Variants in CSMD3 observed in about 807,000 individuals in gnomAD.
The protein encoded by CSMD3 is CUB and Sushi multiple domains 3, also known as CUB and sushi domain-containing protein 3.
In CSMD3, 177 loss-of-function variants were observed where a neutral mutation model predicts 435.2. The observed-to-expected ratio is 0.41, with a 90% CI of 0.36 to 0.46. The LOEUF is 0.46. Among genes scored for constraint, CSMD3 ranks in the 20% least tolerant of loss-of-function variants. The pLI is 0.34. For synonymous variants in CSMD3, 1,656 were observed against 1,520.5 expected (o/e 1.09, Z -2.07); for missense variants, 4,265 against 4,504.6 (o/e 0.95, Z 1.52).
At chr8:112,455,818 G>C (rs1376398812) in intron 32 of CSMD3, among the ~76,000 whole-genome samples, 12 of 151,582 alleles carry the variant, frequency 7.9e-5, no homozygotes, top group Non-Finnish European at 1.5e-5. Flanking sequence ...TGGGAAAACT[G>C]TCTCATGGCA....
intron 55 of CSMD3, among the ~76,000 whole-genome samples, 169 bp downstream of exon 55, chr8:112,292,368 A>C (rs1240861214): frequency 6.6e-6 from 1 of 152,178 alleles, no homozygotes; most frequent in Admixed American, 6.6e-5. Flanking sequence ...TATGTTACAA[A>C]TTTAGAAAAA....
At chr8:113,002,394 T>C (rs1004810307) in intron 6 of CSMD3, among the ~76,000 whole-genome samples, 19 of 152,036 alleles carry the variant, frequency 1.2e-4, no homozygotes, top group African/African-American at 4.6e-4. Context: ...TAAACTATGG[T>C]TTTCAAAAAA....
chr8:112,348,653 C>T (rs893131726), intron 40 of CSMD3, among the ~76,000 whole-genome samples: 1 of 152,024 alleles, frequency 6.6e-6, no homozygotes. Flanking sequence ...TCTCAGCACA[C>T]TGGTATACCG....
intron 10 of CSMD3, among the ~76,000 whole-genome samples, chr8:112,875,147 TA>T (rs1355543783): frequency 1.3e-5 from 2 of 152,146 alleles, no homozygotes; most frequent in Non-Finnish European, 2.9e-5. Context: ...TCCTTGTCTA[TA>T]AATGATTTTA....
At chr8:113,180,038 G>C (rs2092402275) in intron 3 of CSMD3, among the ~76,000 whole-genome samples, 1 of 151,884 alleles carries the variant, frequency 6.6e-6, no homozygotes, top group Non-Finnish European at 1.5e-5. Flanking sequence ...CAGTCAAATA[G>C]ATGAAGCATG....
chr8:113,193,443 C>G (rs564536214), intron 3 of CSMD3, among the ~76,000 whole-genome samples: 1 of 151,474 alleles, frequency 6.6e-6, no homozygotes, highest in East Asian at 1.9e-4. Flanking sequence ...GAGATATAAA[C>G]TAGATTGCTT....
intron 1 of CSMD3, among the ~76,000 whole-genome samples, chr8:113,322,471 G>C (rs1167221185): frequency 6.6e-6 from 1 of 152,054 alleles, no homozygotes; most frequent in Non-Finnish European, 1.5e-5. Flanking sequence ...ATGGGTATTC[G>C]TGTAGGCCTG....
At chr8:112,908,725 T>C (rs1043145722) in intron 10 of CSMD3, among the ~76,000 whole-genome samples, 2 of 151,544 alleles carry the variant, frequency 1.3e-5, no homozygotes, top group African/African-American at 4.8e-5. Context: ...CTAATATGTA[T>C]TATTAATAAA....
intron 13 of CSMD3, among the ~76,000 whole-genome samples, chr8:112,742,357 T>G (rs1410097875): frequency 4.6e-5 from 7 of 151,918 alleles, no homozygotes; most frequent in Admixed American, 4.6e-4. Context: ...GAAAAAATCT[T>G]TGATAGGCTA....
intron 13 of CSMD3, among the ~76,000 whole-genome samples, chr8:112,756,265 G>GC (rs2132125748): frequency 6.6e-6 from 1 of 152,230 alleles, no homozygotes; most frequent in East Asian, 1.9e-4. Flanking sequence ...CATTAAACTT[G>GC]CAAAGGGTTG....
intron 19 of CSMD3, among the ~76,000 whole-genome samples, chr8:112,646,650 T>G (rs1381623648): frequency 6.6e-6 from 1 of 152,162 alleles, no homozygotes; most frequent in Non-Finnish European, 1.5e-5. Flanking sequence ...GGTCAACAAC[T>G]AATATAACAA....
At chr8:113,350,544 T>C (rs186210663) in intron 1 of CSMD3, among the ~76,000 whole-genome samples, 3 of 152,236 alleles carry the variant, frequency 2.0e-5, no homozygotes, top group Admixed American at 1.3e-4. Context: ...GGTCACTTTC[T>C]TAATGTCACT....
intron 1 of CSMD3, among the ~76,000 whole-genome samples, chr8:113,329,895 C>T (rs1208949179): frequency 6.6e-6 from 1 of 151,952 alleles, no homozygotes; most frequent in African/African-American, 2.4e-5. Flanking sequence ...AAAATAAAAA[C>T]TGCTAAAATG....
At chr8:112,316,118 A>G (rs1822436872) in intron 47 of CSMD3, among the ~76,000 whole-genome samples, 1 of 151,832 alleles carries the variant, frequency 6.6e-6, no homozygotes, top group African/African-American at 2.4e-5. Context: ...GACTTCTTGA[A>G]AACTTGAAAA....
At chr8:112,799,214 A>C (rs2078902891) in intron 13 of CSMD3, among the ~76,000 whole-genome samples, 1 of 149,232 alleles carries the variant, frequency 6.7e-6, no homozygotes, top group African/African-American at 2.5e-5. Flanking sequence ...AGTCACACAA[A>C]AAAAAACACA....
chr8:112,501,741 A>C (rs1821984905), intron 30 of CSMD3, among the ~76,000 whole-genome samples: 1 of 152,222 alleles, frequency 6.6e-6, no homozygotes. Flanking sequence ...ATGTAAAAGA[A>C]TGTTCATTTC....
At chr8:113,084,596 A>T (rs1312187931) in intron 5 of CSMD3, among the ~76,000 whole-genome samples, 1 of 143,242 alleles carries the variant, frequency 7.0e-6, no homozygotes, top group Non-Finnish European at 1.5e-5. Context: ...AAAAAATATA[A>T]AAAAATTCTA....
At chr8:112,333,752 A>T (rs866698640) in intron 45 of CSMD3, among the ~76,000 whole-genome samples, 27 of 152,126 alleles carry the variant, frequency 1.8e-4, no homozygotes, top group African/African-American at 5.6e-4. Flanking sequence ...CTAAATTTAT[A>T]AAAATTTTAT....
chr8:112,234,045 A>G (rs1813335743), intron 68 of CSMD3, among the ~76,000 whole-genome samples: 1 of 151,884 alleles, frequency 6.6e-6, no homozygotes, highest in Non-Finnish European at 1.5e-5. Flanking sequence ...GATGGAATAT[A>G]TTTGATGAAA....
Sources: gnomAD v4.1 joint callset for allele counts (sites outside exome capture counted in the v4.1 genomes callset) on GRCh38, gnomAD v4.1.1 for gene constraint, MANE v1.5 for transcripts, NCBI Gene and HGNC (gene_info 2026-07-23, HGNC 2026-07-21) for gene names.